Variants in RHOBTB2 observed in about 807,000 individuals in gnomAD.
RHOBTB2 encodes Rho related BTB domain containing 2.
In RHOBTB2, 39 loss-of-function variants were observed where a neutral mutation model predicts 66.5. That is an observed-to-expected ratio of 0.59 (90% confidence interval 0.45 to 0.77). The LOEUF (loss-of-function observed/expected upper bound fraction) is 0.77. Ranked by LOEUF, RHOBTB2 falls within the 30% of genes least tolerant of loss-of-function variation. The probability of loss-of-function intolerance (pLI) is 0.00; values close to 1 mark genes in which losing one functional copy is unlikely to be tolerated. For missense variants in RHOBTB2, 755 were observed against 999.1 expected (o/e 0.76, Z 3.29); for synonymous variants, 390 against 395.0 (o/e 0.99, Z 0.15).
the RHOBTB2 span, among the ~76,000 whole-genome samples, chr8:22,966,738 T>C: frequency 3.9e-5 from 6 of 152,312 alleles, no homozygotes; most frequent in South Asian, 1.2e-3. Flanking sequence ...CCTATAGCTA[T>C]AGTAATTAGC....
In RHOBTB2 at chr8:23,006,840, G is replaced by T; in HGVS notation, c.595G>T (p.Val199Phe). 1 of 1,614,134 alleles carries T rather than the reference G, an allele frequency of 6.2e-7. No individual in the cohort carries two copies. The highest frequency in any genetic ancestry group is 1.6e-4 in the Middle Eastern group (1 of 6,062). ...SVVAQFGIKDVFDNAIRAALI... is the reference protein window; with the variant it reads ...SVVAQFGIKDFFDNAIRAALI... The stretch of plus-strand genomic sequence containing the variant: ...GGTGGCCCAGTTCGGCATCAAGGAC[G>T]TCTTTGACAACGCCATCCGAGCTGC... The change falls in exon 5 of 10, where the codon GTC (valine) becomes TTC (phenylalanine). Residue 199 changes from valine to phenylalanine, a missense_variant. Around this residue, in one of 7 missense-constraint regions of RHOBTB2, gnomAD observed 35 missense variants for 38.1 expected, o/e 0.92. Transcript: ENST00000251822. This position sits in a 1 kb window ranked among gnomAD's most constrained non-coding sequence, Gnocchi z 6.1.
At chr8:22,965,781 G>T in the RHOBTB2 span, among the ~76,000 whole-genome samples, 1 of 152,148 alleles carries the variant, frequency 6.6e-6, no homozygotes, top group Non-Finnish European at 1.5e-5. Context: ...ACTCAAAATG[G>T]ATTAAAGGTC....
At chr8:22,951,665 A>G in the RHOBTB2 span, among the ~76,000 whole-genome samples, 1 of 152,182 alleles carries the variant, frequency 6.6e-6, no homozygotes, top group Non-Finnish European at 1.5e-5. Context: ...AGGGTTGAGG[A>G]GATTACAAAA....
chr8:22,997,157 C>T (rs74983601), upstream of RHOBTB2, among the ~76,000 whole-genome samples: 8,009 of 151,938 alleles, frequency 0.053, 663 homozygotes, highest in African/African-American at 0.18. Flanking sequence ...GGTCCCCAGA[C>T]GGCCTAGGGT....
Position 23,020,101 on chromosome 8 carries a change from G to C in RHOBTB2, c.*2632G>C, listed in dbSNP as rs1178144635. On this transcript the variant is annotated 3_prime_UTR_variant, in exon 10 of 10. Coordinates refer to ENST00000251822, the MANE Select transcript of RHOBTB2 (RefSeq NM_015178.3). The stretch of plus-strand genomic sequence containing the variant: ...AGAGCTGATTCACAGGAGGAGGGGA[G>C]GTTGGGGGGCGGGAGACAAAAACCA... The C allele has an allele frequency of 2.7e-6, 1 of 371,086 alleles. No homozygotes were observed. Among genetic ancestry groups the C allele is most frequent in the Non-Finnish European group, 5.3e-6 (1 of 187,992 alleles). 23.0% of individuals were successfully genotyped at this position (371,086 alleles called of 1,614,324 possible).
the RHOBTB2 span, among the ~76,000 whole-genome samples, chr8:22,971,551 C>T: frequency 1.3e-5 from 2 of 152,096 alleles, no homozygotes; most frequent in African/African-American, 2.4e-5. Context: ...TTCTACAAAC[C>T]GACTTCCACA....
At chr8:23,008,140 G>A (rs975423011) in intron 6 of RHOBTB2, 29 bp downstream of exon 6, 3 of 1,472,450 alleles carry the variant, frequency 2.0e-6, no homozygotes, top group Non-Finnish European at 1.9e-6. Context: ...AGGGGGGAAG[G>A]AGGGAGTGAG....
At chr8:23,003,398 C>G (rs1309756886) in intron 1 of RHOBTB2, among the ~76,000 whole-genome samples, 1 of 152,250 alleles carries the variant, frequency 6.6e-6, no homozygotes, top group Admixed American at 6.5e-5. Flanking sequence ...AGCATTTGCC[C>G]AGAAATTCAG....
At chr8:22,951,088 A>G in the RHOBTB2 span, among the ~76,000 whole-genome samples, 2 of 152,094 alleles carry the variant, frequency 1.3e-5, no homozygotes, top group South Asian at 4.1e-4. Flanking sequence ...CTGCCCAAAT[A>G]ATTTCCTCTT....
At chr8:23,005,514 G>A (rs1323697242) in intron 3 of RHOBTB2, 39 bp downstream of exon 3, 1 of 1,361,856 alleles carries the variant, frequency 7.3e-7, no homozygotes, top group African/African-American at 1.4e-5. Flanking sequence ...GAACCAACAG[G>A]GTGGGTTTTT....
At chr8:23,005,913 A>G (rs1810933473) in intron 3 of RHOBTB2, 47 bp from the exon 4 acceptor site, 1 of 1,567,938 alleles carries the variant, frequency 6.4e-7, no homozygotes, top group South Asian at 1.2e-5. Flanking sequence ...GGACCAGGTA[A>G]GCTACCACTT....
the RHOBTB2 span, among the ~76,000 whole-genome samples, chr8:22,975,284 T>C: frequency 6.6e-6 from 1 of 152,160 alleles, no homozygotes; most frequent in Non-Finnish European, 1.5e-5. Flanking sequence ...AACGGGGTCT[T>C]CTCTCACTAG....
At chr8:22,962,685 G>A in the RHOBTB2 span, among the ~76,000 whole-genome samples, 1 of 152,182 alleles carries the variant, frequency 6.6e-6, no homozygotes, top group Admixed American at 6.5e-5. Flanking sequence ...TATAATAAAA[G>A]GATAGTTTTG....
Position 23,000,016 on chromosome 8 carries a change from A to G in RHOBTB2, c.-100A>G. On this transcript the variant is annotated 5_prime_UTR_variant, in exon 1 of 10. Transcript: ENST00000251822. ...GCGTCGTCCCAACTTGCAGGCGCGGAGGGACCCCTGACATTTCACTAAAAT... is the reference window on the plus strand; with the variant it reads ...GCGTCGTCCCAACTTGCAGGCGCGGGGGGACCCCTGACATTTCACTAAAAT... The G allele has an allele frequency of 1.0e-6, 1 of 985,560 alleles. No individual in the cohort carries two copies. Among genetic ancestry groups the G allele is most frequent in the Non-Finnish European group, 1.2e-6 (1 of 830,020 alleles). 61.1% of individuals were successfully genotyped at this position (985,560 alleles called of 1,614,324 possible).
upstream of RHOBTB2, chr8:22,984,810 G>C (rs1310208111): frequency 1.3e-5 from 2 of 152,164 alleles, no homozygotes; most frequent in African/African-American, 4.8e-5. Flanking sequence ...TGTAATCCCA[G>C]CTACTCAGGA....
the RHOBTB2 span, among the ~76,000 whole-genome samples, chr8:22,980,066 G>T: frequency 6.6e-6 from 1 of 151,934 alleles, no homozygotes; most frequent in Non-Finnish European, 1.5e-5. Context: ...CCAGGTATAA[G>T]AATTCTTTTA....
intron 1 of RHOBTB2, among the ~76,000 whole-genome samples, chr8:22,988,619 C>A (rs1229632997): frequency 6.6e-6 from 1 of 152,094 alleles, no homozygotes; most frequent in Non-Finnish European, 1.5e-5. Flanking sequence ...GCCCTCAGCC[C>A]CCCAAATTTT....
chr8:22,979,620 A>T, the RHOBTB2 span, among the ~76,000 whole-genome samples: 1 of 151,704 alleles, frequency 6.6e-6, no homozygotes, highest in Non-Finnish European at 1.5e-5. Flanking sequence ...CCTATACATA[A>T]ACCTTTTCCT....
At chr8:22,956,352 G>A in the RHOBTB2 span, among the ~76,000 whole-genome samples, 1 of 152,198 alleles carries the variant, frequency 6.6e-6, no homozygotes, top group Non-Finnish European at 1.5e-5. Flanking sequence ...CTGGTGGGAG[G>A]TAATTGGATC....
Sources: gnomAD v4.1 joint callset for allele counts (sites outside exome capture counted in the v4.1 genomes callset) on GRCh38, gnomAD v4.1.1 for gene constraint, gnomAD v4.1.1 regional missense constraint, Gnocchi (gnomAD v3.1) non-coding constraint, MANE v1.5 for transcripts, NCBI Gene and HGNC (gene_info 2026-07-23, HGNC 2026-07-21) for gene names.